FUCA2: variants seen among roughly 807,000 people sequenced by gnomAD.
FUCA2 encodes the protein alpha-L-fucosidase 2.
A neutral mutation model predicts 52.6 loss-of-function variants in FUCA2; 41 were observed. The ratio of observed to expected loss-of-function variants is 0.78; its 90% CI spans 0.61 to 1.01. The LOEUF (loss-of-function observed/expected upper bound fraction) is 1.01. FUCA2 is among the 50% of genes least tolerant of loss of function. The pLI is 0.00. For missense variants in FUCA2, 507 were observed against 569.5 expected, an observed-to-expected ratio of 0.89 and a Z score of 1.12; for synonymous variants, 211 against 217.3, an observed-to-expected ratio of 0.97 and a Z score of 0.26.
In FUCA2 at chr6:143,501,537, CTT is replaced by C. The variant is rs753931658; in HGVS notation, c.1154+393_1154+394del. ...ACATTTTCTCTGCCATTGGGTACCT[CTT>C]GTTTGCTAATTTCATGGGATGCAAC... On this transcript the variant is annotated intron_variant, in intron 5 of 6. Transcript: ENST00000002165. The surrounding 1 kb of genome is among the most constrained non-coding windows in gnomAD (Gnocchi z 6.1). 3.3e-5 allele frequency among the ~76,000 whole-genome samples: 5 copies of C among 152,276 alleles called. No homozygotes were observed. In the East Asian group the frequency reaches 9.6e-4, roughly 29 times the overall value.
chr6:143,504,006 T>C lies in FUCA2; in HGVS notation c.659A>G (p.Tyr220Cys). The C allele has an allele frequency of 3.1e-6, 5 of 1,614,174 alleles. No homozygotes were observed. The South Asian group carries it at 5.5e-5, about 18-fold the overall frequency. ...ATCCGACCACAGAACCTCAGGCTGA[T>C]AGTTGTTCACTAACTCATAGAGCTC... ...LPELYELVNN[Y>C]QPEVLWSDGD... Residue 220 changes from tyrosine to cysteine, a missense_variant, in exon 3 of 7, where the codon TAT becomes TGT. Coordinates refer to ENST00000002165, the MANE Select transcript of FUCA2 (RefSeq NM_032020.5). The surrounding 1 kb of genome is among the most constrained non-coding windows in gnomAD (Gnocchi z 4.4).
Position 143,511,676 on chromosome 6 carries a change from G to A in FUCA2, c.-42C>T, listed in dbSNP as rs1307022635. ...GCTGTCCTCTCTGCAGGCTCCCGCG[G>A]CCTCGGGAGCGCTGTTCTTCCGTCT... On this transcript the variant is annotated 5_prime_UTR_variant, in exon 1 of 7. Coordinates refer to ENST00000002165, the MANE Select transcript of FUCA2 (RefSeq NM_032020.5). This position sits in a 1 kb window ranked among gnomAD's most constrained non-coding sequence, Gnocchi z 6.3. 7.0e-7 allele frequency: 1 copy of A among 1,422,326 alleles called. No individual in the cohort carries two copies. Among genetic ancestry groups the A allele is most frequent in the Non-Finnish European group, 9.2e-7 (1 of 1,086,748 alleles). 88.1% of individuals were successfully genotyped at this position (1,422,326 alleles called of 1,614,324 possible).
At position 143,497,400 on chromosome 6, in the gene FUCA2, C is replaced by T. The variant is rs1019413704; in HGVS notation, c.1252G>A (p.Gly418Arg). 6.2e-7 allele frequency: 1 copy of T among 1,609,528 alleles called. No homozygotes were observed. The highest frequency in any genetic ancestry group is 8.5e-7 in the Non-Finnish European group (1 of 1,175,852). Residue 418 changes from glycine to arginine, a missense_variant, in exon 6 of 7, where the codon GGG (glycine) becomes AGG (arginine). Transcript: ENST00000002165. The surrounding 1 kb of genome is among the most constrained non-coding windows in gnomAD (Gnocchi z 5.3). ...LFLGHPKAIL[G>R]ATEVKLLGHG... ...AAATTCCCTCTTACCTCTGTTGCCC[C>T]CAGAATAGCTTTGGGATGGCCAAGG...
Position 143,494,879 on chromosome 6 carries a change from A to C in FUCA2, c.*828T>G, listed in dbSNP as rs1233088460. 6.6e-6 allele frequency: 1 copy of C among 152,274 alleles called. No individual in the cohort carries two copies. Among genetic ancestry groups the C allele is most frequent in the Non-Finnish European group, 1.5e-5 (1 of 68,046 alleles). The allele number at this position is 152,274 out of a possible 1,614,324, so 9.4% of individuals were successfully genotyped here. A position where few individuals can be genotyped will look rare whatever the true frequency, so the allele number is the denominator to read the frequency against. On this transcript the variant is annotated 3_prime_UTR_variant, in exon 7 of 7. Coordinates refer to ENST00000002165, the MANE Select transcript of FUCA2 (RefSeq NM_032020.5). This position sits in a 1 kb window ranked among gnomAD's most constrained non-coding sequence, Gnocchi z 6.6. ...ACAAAAGAGCCAAAAAGGTTTTAAA[A>C]ATTAAAACGTTTGTAAAGTTACAGT...
Position 143,511,415 on chromosome 6 carries a change from A to T in FUCA2, c.220T>A (p.Phe74Ile), listed in dbSNP as rs1584032054. The stretch of plus-strand genomic sequence containing the variant: ...GACAAAAGGGAGCGCACTCACCAGA[A>T]CCACTCGCTACCGAAGCTGGGCACG... ...FSVPSFGSEW[F>I]WWYWQKEKIP... The change falls in exon 1 of 7, where the codon TTC (phenylalanine) becomes ATC (isoleucine). Residue 74 changes from phenylalanine (F) to isoleucine (I), a missense_variant. Transcript: ENST00000002165. The surrounding 1 kb of genome is among the most constrained non-coding windows in gnomAD (Gnocchi z 6.3). The T allele has an allele frequency of 6.2e-7, 1 of 1,610,584 alleles. No individual in the cohort carries two copies. Among genetic ancestry groups the T allele is most frequent in the African/African-American group, 1.3e-5 (1 of 74,948 alleles).
chr6:143,496,613 A>G (rs1562662792), intron 6 of FUCA2: 1 of 152,230 alleles, frequency 6.6e-6, no homozygotes, highest in Non-Finnish European at 1.5e-5. Context: ...ATTTAAAAAA[A>G]TAAGTTATAA....
Position 143,507,261 on chromosome 6 carries a change from C to T in FUCA2, c.388G>A (p.Val130Ile), listed in dbSNP as rs1780620225. ...CCTTCATGATGTTTGGAAGTTAAGA[C>T]AATGTATTTGGCACCAGAGGCCTGA... is the stretch of plus-strand genomic sequence containing the variant. ...IFQASGAKYI[V>I]LTSKHHEGFT... The change falls in exon 2 of 7, where the codon GTC becomes ATC. Residue 130 changes from valine (V) to isoleucine (I), a missense_variant. By Grantham distance (29) the Val-to-Ile change is conservative. Coordinates refer to ENST00000002165, the MANE Select transcript of FUCA2 (RefSeq NM_032020.5). This position sits in a 1 kb window ranked among gnomAD's most constrained non-coding sequence, Gnocchi z 4.5. 1 of 1,598,720 alleles carries T rather than the reference C, an allele frequency of 6.3e-7. No individual in the cohort carries two copies. Among genetic ancestry groups the T allele is most frequent in the Non-Finnish European group, 8.5e-7 (1 of 1,175,296 alleles).
rs1780562703 is a variant in FUCA2 at position 143,503,807 on chromosome 6, C to T, written c.752+106G>A. On this transcript the variant is annotated intron_variant, in intron 3 of 6. Transcript: ENST00000002165. The surrounding 1 kb of genome is among the most constrained non-coding windows in gnomAD (Gnocchi z 4.8). Reference sequence around the variant, plus strand: ...TTTACAATGATTTTCTCCCCCCATACCACCAATGACTTAAAATGAAATATT... The same window carrying T: ...TTTACAATGATTTTCTCCCCCCATATCACCAATGACTTAAAATGAAATATT... The T allele has an allele frequency of 6.0e-6, 5 of 833,258 alleles. No homozygotes were observed. The highest frequency in any genetic ancestry group is 2.8e-4 in the Middle Eastern group (1 of 3,530). The allele number at this position is 833,258 out of a possible 1,614,324, so 51.6% of individuals were successfully genotyped here. A position where few individuals can be genotyped will look rare whatever the true frequency, so the allele number is the denominator to read the frequency against.
In FUCA2 at chr6:143,497,572, C is replaced by T. The variant is rs1780475544; in HGVS notation, c.1155-75G>A. 1 of 754,368 alleles carries T rather than the reference C, an allele frequency of 1.3e-6. No individual in the cohort carries two copies. Among genetic ancestry groups the T allele is most frequent in the East Asian group, 2.7e-5 (1 of 37,382 alleles). 46.7% of individuals were successfully genotyped at this position (754,368 alleles called of 1,614,324 possible). A position where few individuals can be genotyped will look rare whatever the true frequency, so the allele number is the denominator to read the frequency against. On this transcript the variant is annotated intron_variant, in intron 5 of 6. Transcript: ENST00000002165. This position sits in a 1 kb window ranked among gnomAD's most constrained non-coding sequence, Gnocchi z 5.3. ...TTTCTCACTATTTATGGATCAGGAA[C>T]AATCTGGAATTATTTTACAGATACT...
At position 143,502,037 on chromosome 6, in the gene FUCA2, T is replaced by C. The variant is rs1222791925; in HGVS notation, c.1049A>G (p.Glu350Gly). 1 of 1,613,706 alleles carries C rather than the reference T, an allele frequency of 6.2e-7. No individual in the cohort carries two copies. Among genetic ancestry groups the C allele is most frequent in the Non-Finnish European group, 8.5e-7 (1 of 1,179,934 alleles). ...TLDGTISVVF[E>G]ERLRQMGSWL... Reference sequence around the variant, plus strand: ...GGACCCCATTTGCCTCAGTCGCTCCTCAAAAACTACAGAAATGGTGCCATC... The same window carrying C: ...GGACCCCATTTGCCTCAGTCGCTCCCCAAAAACTACAGAAATGGTGCCATC... The change falls in exon 5 of 7, where the codon GAG becomes GGG. Residue 350 changes from glutamate to glycine, a missense_variant. Glu to Gly is a moderately conservative substitution (Grantham distance 98). Coordinates refer to ENST00000002165, the MANE Select transcript of FUCA2 (RefSeq NM_032020.5). The surrounding 1 kb of genome is among the most constrained non-coding windows in gnomAD (Gnocchi z 4.1).
In FUCA2 at chr6:143,504,539, G is replaced by A. The variant is rs942224383; in HGVS notation, c.413-287C>T. On this transcript the variant is annotated intron_variant, in intron 2 of 6. Coordinates refer to ENST00000002165, the MANE Select transcript of FUCA2 (RefSeq NM_032020.5). The surrounding 1 kb of genome is among the most constrained non-coding windows in gnomAD (Gnocchi z 4.4). ...CCCTCTTAGATTTTAAGGTCCTTAA[G>A]GGATTGCATCATGTCTGCAGTGCTC... is the stretch of plus-strand genomic sequence containing the variant. The A allele has an allele frequency of 2.9e-6, 1 of 339,272 alleles. No individual in the cohort carries two copies. The highest frequency in any genetic ancestry group is 5.4e-6 in the Non-Finnish European group (1 of 183,868). 21.0% of individuals were successfully genotyped at this position (339,272 alleles called of 1,614,324 possible).
Position 143,503,725 on chromosome 6 carries a change from C to A in FUCA2, c.752+188G>T. The A allele has an allele frequency of 1.9e-6, 1 of 513,972 alleles. No individual in the cohort carries two copies. Among genetic ancestry groups the A allele is most frequent in the Non-Finnish European group, 3.4e-6 (1 of 295,658 alleles). 31.8% of individuals were successfully genotyped at this position (513,972 alleles called of 1,614,324 possible). The stretch of plus-strand genomic sequence containing the variant: ...CAGACCATTGAGTTGGATTTTACTC[C>A]TGATTTATTTACCCTTGATTATGTT... On this transcript the variant is annotated intron_variant, in intron 3 of 6. Transcript: ENST00000002165. The surrounding 1 kb of genome is among the most constrained non-coding windows in gnomAD (Gnocchi z 4.8).
At position 143,500,025 on chromosome 6, in the gene FUCA2, A is replaced by T. The variant is rs1198215693; in HGVS notation, c.1154+1907T>A. 6.6e-6 allele frequency among the ~76,000 whole-genome samples: 1 copy of T among 151,952 alleles called. No individual in the cohort carries two copies. Among genetic ancestry groups the T allele is most frequent in the Non-Finnish European group, 1.5e-5 (1 of 67,974 alleles). ...TTGACCTTAAAGCCAAAAGTGAGAT[A>T]ATTTTACATTGTATGTGTCTGGGTG... is the stretch of plus-strand genomic sequence containing the variant. On this transcript the variant is annotated intron_variant, in intron 5 of 6. Coordinates refer to ENST00000002165, the MANE Select transcript of FUCA2 (RefSeq NM_032020.5). This position sits in a 1 kb window ranked among gnomAD's most constrained non-coding sequence, Gnocchi z 6.9.
chr6:143,503,715 G>A lies in FUCA2; in HGVS notation c.752+198C>T, dbSNP rs925343126. 2 of 503,790 alleles carry A rather than the reference G, an allele frequency of 4.0e-6. No individual in the cohort carries two copies. Among genetic ancestry groups the A allele is most frequent in the Non-Finnish European group, 6.9e-6 (2 of 288,458 alleles). 31.2% of individuals were successfully genotyped at this position (503,790 alleles called of 1,614,324 possible). On this transcript the variant is annotated intron_variant, in intron 3 of 6. Transcript: ENST00000002165. The surrounding 1 kb of genome is among the most constrained non-coding windows in gnomAD (Gnocchi z 4.8). ...ATCTCAAAATCAGACCATTGAGTTG[G>A]ATTTTACTCCTGATTTATTTACCCT...
Position 143,510,481 on chromosome 6 carries a change from A to AT in FUCA2, c.224+929_224+930insA, listed in dbSNP as rs1780667217. Among the ~76,000 whole-genome samples, 1 of 151,934 alleles carries AT rather than the reference A, an allele frequency of 6.6e-6. No individual in the cohort carries two copies. The highest frequency in any genetic ancestry group is 2.4e-5 in the African/African-American group (1 of 41,270). On this transcript the variant is annotated intron_variant, in intron 1 of 6. Coordinates refer to ENST00000002165, the MANE Select transcript of FUCA2 (RefSeq NM_032020.5). The surrounding 1 kb of genome is among the most constrained non-coding windows in gnomAD (Gnocchi z 4.4). ...CAAAACCCCGTTTCTACTAAAAAAT[A>AT]CAAAAAAATTGGCCAGGCATGGTGG...
At position 143,509,245 on chromosome 6, in the gene FUCA2, T is replaced by G. The variant is rs1780652768; in HGVS notation, c.225-1821A>C. 6.6e-6 allele frequency among the ~76,000 whole-genome samples: 1 copy of G among 152,232 alleles called. No individual in the cohort carries two copies. The highest frequency in any genetic ancestry group is 1.5e-5 in the Non-Finnish European group (1 of 68,044). Reference sequence around the variant, plus strand: ...TTAATAGACATTTAAAACAGTCACATATACTCATCTATACTGTTGATTCCC... The same window carrying G: ...TTAATAGACATTTAAAACAGTCACAGATACTCATCTATACTGTTGATTCCC... On this transcript the variant is annotated intron_variant, in intron 1 of 6. Coordinates refer to ENST00000002165, the MANE Select transcript of FUCA2 (RefSeq NM_032020.5). The surrounding 1 kb of genome is among the most constrained non-coding windows in gnomAD (Gnocchi z 5.4).
rs1780439871 is a variant in FUCA2, at chr6:143,495,213, A to G, written c.*494T>C. The G allele has an allele frequency of 6.5e-6, 1 of 152,994 alleles. No homozygotes were observed. Among genetic ancestry groups the G allele is most frequent in the Non-Finnish European group, 1.5e-5 (1 of 68,580 alleles). 9.5% of individuals were successfully genotyped at this position (152,994 alleles called of 1,614,324 possible). A position where few individuals can be genotyped will look rare whatever the true frequency, so the allele number is the denominator to read the frequency against. ...TCAGTAACATGCTGTATATGTCTGTAGCCTAGGAGCAACAGTCTATACCAT... is the reference window on the plus strand; with the variant it reads ...TCAGTAACATGCTGTATATGTCTGTGGCCTAGGAGCAACAGTCTATACCAT... On this transcript the variant is annotated 3_prime_UTR_variant, in exon 7 of 7. Transcript: ENST00000002165. This position sits in a 1 kb window ranked among gnomAD's most constrained non-coding sequence, Gnocchi z 5.2.
In FUCA2 at chr6:143,495,328, A is replaced by C; in HGVS notation, c.*379T>G. 5.7e-6 allele frequency: 1 copy of C among 174,066 alleles called. No individual in the cohort carries two copies. The highest frequency in any genetic ancestry group is 1.2e-5 in the Non-Finnish European group (1 of 81,168). 10.8% of individuals were successfully genotyped at this position (174,066 alleles called of 1,614,324 possible). A position where few individuals can be genotyped will look rare whatever the true frequency, so the allele number is the denominator to read the frequency against. On this transcript the variant is annotated 3_prime_UTR_variant, in exon 7 of 7. Coordinates refer to ENST00000002165, the MANE Select transcript of FUCA2 (RefSeq NM_032020.5). The surrounding 1 kb of genome is among the most constrained non-coding windows in gnomAD (Gnocchi z 5.2). ...ACAAAAAAAAATTGACTAGCAATGC[A>C]TTTCCCAGAAAATATCCCCATATTA...
chr6:143,507,466 C>T lies in FUCA2; in HGVS notation c.225-42G>A, dbSNP rs765474987. 34 of 1,403,950 alleles carry T rather than the reference C, an allele frequency of 2.4e-5. No homozygotes were observed. Among genetic ancestry groups the T allele is most frequent in the Non-Finnish European group, 3.2e-5 (33 of 1,043,192 alleles). The allele number at this position is 1,403,950 out of a possible 1,614,324, so 87.0% of individuals were successfully genotyped here. A position where few individuals can be genotyped will look rare whatever the true frequency, so the allele number is the denominator to read the frequency against. On this transcript the variant is annotated intron_variant, in intron 1 of 6. Transcript: ENST00000002165. This position sits in a 1 kb window ranked among gnomAD's most constrained non-coding sequence, Gnocchi z 4.5. ...AAAGAGTGCATAAACAGCACATACACACATATTTAAAAGAACTGCTCCAGC... is the reference window on the plus strand; with the variant it reads ...AAAGAGTGCATAAACAGCACATACATACATATTTAAAAGAACTGCTCCAGC...
Sources: allele counts gnomAD v4.1 joint callset (sites outside exome capture counted in the v4.1 genomes callset), GRCh38; gene constraint gnomAD v4.1.1; non-coding constraint Gnocchi (gnomAD v3.1); transcripts MANE v1.5; gene names NCBI Gene and HGNC (gene_info 2026-07-23, HGNC 2026-07-21).